ARIH2: variants seen among roughly 807,000 people sequenced by gnomAD.
ARIH2 encodes E3 ubiquitin-protein ligase ARIH2.
Under a neutral mutation model 79.8 loss-of-function variants are expected in ARIH2, and 12 were observed. That is an observed-to-expected ratio of 0.15 (90% CI 0.10 to 0.24). ARIH2 has a LOEUF of 0.24. Ranked by LOEUF, ARIH2 falls within the 10% of genes least tolerant of loss-of-function variation. The probability of loss-of-function intolerance (pLI) is 1.00; values close to 1 mark genes in which losing one functional copy is unlikely to be tolerated. For synonymous variants in ARIH2, 224 were observed against 213.9 expected, an observed-to-expected ratio of 1.05 and a Z score of -0.41; for missense variants, 301 against 618.3, an observed-to-expected ratio of 0.49 and a Z score of 5.44.
chr3:48,959,559 T>C (rs2091013131), intron 3 of ARIH2, among the ~76,000 whole-genome samples: 1 of 148,592 alleles, frequency 6.7e-6, no homozygotes, highest in Non-Finnish European at 1.5e-5. Context: ...CAGCCAGCAC[T>C]TTGGGAGGCC....
intron 2 of ARIH2, among the ~76,000 whole-genome samples, chr3:48,924,392 C>T (rs1459300753): frequency 6.6e-6 from 1 of 151,964 alleles, no homozygotes; most frequent in Non-Finnish European, 1.5e-5. Context: ...GACAGAATCT[C>T]TCTGTTGCCT....
chr3:48,919,767 G>A (rs1223977841), intron 1 of ARIH2, among the ~76,000 whole-genome samples: 1 of 152,180 alleles, frequency 6.6e-6, no homozygotes, highest in African/African-American at 2.4e-5. Context: ...GTAGGATTTT[G>A]AAACGAAATT....
rs373579034 is a variant in ARIH2, at chr3:48,933,698, C to T, written c.255+5885C>T. ...CCAAGTAGCTGGGACTACAGGTGCC[C>T]GCCACCACACCCGGCTAAATTTTTT... is the stretch of plus-strand genomic sequence containing the variant. On this transcript the variant is annotated intron_variant, in intron 3 of 15. Coordinates refer to ENST00000356401, the MANE Select transcript of ARIH2 (RefSeq NM_006321.4). Among the ~76,000 whole-genome samples, 40 of 151,586 alleles carry T rather than the reference C, an allele frequency of 2.6e-4. No homozygotes were observed. In the East Asian group the frequency reaches 3.1e-3, roughly 12 times the overall value.
In ARIH2 at chr3:48,918,917, T is replaced by G; in HGVS notation, c.-243T>G. 1 of 1,599,474 alleles carries G rather than the reference T, an allele frequency of 6.3e-7. No homozygotes were observed. Among genetic ancestry groups the G allele is most frequent in the Non-Finnish European group, 8.5e-7 (1 of 1,176,476 alleles). On this transcript the variant is annotated 5_prime_UTR_variant, in exon 1 of 16. Coordinates refer to ENST00000356401, the MANE Select transcript of ARIH2 (RefSeq NM_006321.4). ...GTCGGCCCGCCGCCTCCGCTGCCGC[T>G]TCGCCCCAATCCGGTCCCTCTGGCC...
intron 8 of ARIH2, among the ~76,000 whole-genome samples, chr3:48,972,413 C>T (rs926217497): frequency 1.5e-5 from 2 of 135,914 alleles, no homozygotes; most frequent in East Asian, 2.4e-4. Context: ...GAGACTGAGG[C>T]GGGTGGATCA....
intron 9 of ARIH2, 159 bp from the exon 10 acceptor site, chr3:48,974,658 G>A (rs2092411841): frequency 9.8e-6 from 7 of 712,638 alleles, no homozygotes; most frequent in Non-Finnish European, 1.5e-5. Context: ...TTGAATTGCT[G>A]TTCCAGCCTC....
chr3:48,951,414 G>T (rs574669626), intron 3 of ARIH2, among the ~76,000 whole-genome samples: 28 of 151,894 alleles, frequency 1.8e-4, no homozygotes, highest in East Asian at 1.5e-3. Flanking sequence ...GAATATTGGG[G>T]TTTTTTTTCT....
At chr3:48,942,157 TCTC>T (rs2107248304) in intron 3 of ARIH2, among the ~76,000 whole-genome samples, 1 of 151,836 alleles carries the variant, frequency 6.6e-6, no homozygotes, top group African/African-American at 2.4e-5. Context: ...TTCAAGCAAT[TCTC>T]CTGCTTCAGC....
chr3:48,940,398 A>C (rs1367344670), intron 3 of ARIH2, among the ~76,000 whole-genome samples: 1 of 151,962 alleles, frequency 6.6e-6, no homozygotes, highest in Non-Finnish European at 1.5e-5. Context: ...AGAGAGAGAG[A>C]GAGCGCACAA....
intron 13 of ARIH2, among the ~76,000 whole-genome samples, chr3:48,980,771 A>G (rs573158313): frequency 6.6e-6 from 1 of 152,008 alleles, no homozygotes; most frequent in African/African-American, 2.4e-5. Flanking sequence ...TTTATGTATC[A>G]CTCAAAGGAA....
intron 3 of ARIH2, among the ~76,000 whole-genome samples, chr3:48,929,014 G>A (rs2086015985): frequency 6.6e-6 from 1 of 151,890 alleles, no homozygotes; most frequent in African/African-American, 2.4e-5. Flanking sequence ...ACAATAATCG[G>A]GTTTCTCTTC....
chr3:48,945,427 C>T (rs891600132), intron 3 of ARIH2, among the ~76,000 whole-genome samples: 1 of 152,204 alleles, frequency 6.6e-6, no homozygotes, highest in Non-Finnish European at 1.5e-5. Flanking sequence ...TTAGTATGTT[C>T]TGTGCACTAT....
intron 3 of ARIH2, among the ~76,000 whole-genome samples, chr3:48,958,029 T>C (rs1446184787): frequency 6.6e-6 from 1 of 152,108 alleles, no homozygotes; most frequent in Non-Finnish European, 1.5e-5. Flanking sequence ...TCATGTTTTT[T>C]AAAACTATTC....
At chr3:48,949,080 G>T (rs1335605508) in intron 3 of ARIH2, 2 of 456,178 alleles carry the variant, frequency 4.4e-6, no homozygotes, top group Admixed American at 4.7e-5. Flanking sequence ...CTAGGAGTGG[G>T]ATTGCTGGGT....
intron 8 of ARIH2, 23 bp from the exon 9 acceptor site, chr3:48,973,676 T>C (rs2092364549): frequency 6.4e-7 from 1 of 1,571,898 alleles, no homozygotes; most frequent in Non-Finnish European, 8.7e-7. Flanking sequence ...AATATTTGAA[T>C]GTTTTTCTTT....
In ARIH2 at chr3:48,918,903, G is replaced by T; in HGVS notation, c.-257G>T. Reference sequence around the variant, plus strand: ...CGGGCTTGACCGGCGTCGGCCCGCCGCCTCCGCTGCCGCTTCGCCCCAATC... The same window carrying T: ...CGGGCTTGACCGGCGTCGGCCCGCCTCCTCCGCTGCCGCTTCGCCCCAATC... On this transcript the variant is annotated 5_prime_UTR_variant, in exon 1 of 16. Coordinates refer to ENST00000356401, the MANE Select transcript of ARIH2 (RefSeq NM_006321.4). 1 of 1,600,790 alleles carries T rather than the reference G, an allele frequency of 6.2e-7. No individual in the cohort carries two copies.
chr3:48,985,532 A>G lies in ARIH2; in HGVS notation c.*2262A>G, dbSNP rs2092883770. On this transcript the variant is annotated 3_prime_UTR_variant, in exon 16 of 16. Coordinates refer to ENST00000356401, the MANE Select transcript of ARIH2 (RefSeq NM_006321.4). ...ATTCACAATAAACTGTAAGTTTCTG[A>G]TTATAAAAATGTGTCTAGAGTCTTT... The G allele has an allele frequency of 1.3e-5, 2 of 152,208 alleles. No individual in the cohort carries two copies. Among genetic ancestry groups the G allele is most frequent in the South Asian group, 2.1e-4 (1 of 4,836 alleles). 9.4% of individuals were successfully genotyped at this position (152,208 alleles called of 1,614,324 possible).
intron 3 of ARIH2, among the ~76,000 whole-genome samples, chr3:48,956,180 C>T (rs1274680940): frequency 1.3e-5 from 2 of 151,620 alleles, no homozygotes; most frequent in Non-Finnish European, 2.9e-5. Flanking sequence ...ACTCTGTCAC[C>T]GAGGCTGGAG....
chr3:48,979,949 T>G (rs1400489098), intron 12 of ARIH2: 2 of 271,550 alleles, frequency 7.4e-6, no homozygotes, highest in Non-Finnish European at 1.4e-5. Context: ...GTTTTTAATT[T>G]TTATTTATTT....
Sources: allele counts gnomAD v4.1 joint callset (sites outside exome capture counted in the v4.1 genomes callset), GRCh38; gene constraint gnomAD v4.1.1; transcripts MANE v1.5; gene names NCBI Gene and HGNC (gene_info 2026-07-23, HGNC 2026-07-21).